The following NPAS3 variants were observed in gnomAD, a reference collection of about 807,000 sequenced individuals.
The protein encoded by NPAS3 is neuronal PAS domain protein 3.
NPAS3 carries 14 observed loss-of-function variants against 73.1 expected under a neutral mutation model. The observed-to-expected ratio is 0.19, with a 90% CI of 0.13 to 0.30. The LOEUF (loss-of-function observed/expected upper bound fraction) is 0.30. Ranked by LOEUF, NPAS3 falls within the 10% of genes least tolerant of loss-of-function variation. The pLI is 1.00. For missense variants in NPAS3, 1,096 were observed against 1,250.0 expected (o/e 0.88, Z 1.86); for synonymous variants, 620 against 541.5 (o/e 1.14, Z -2.01).
At chr14:33,517,874 A>T (rs940361571) in intron 4 of NPAS3, among the ~76,000 whole-genome samples, 7 of 152,058 alleles carry the variant, frequency 4.6e-5, no homozygotes, top group African/African-American at 1.7e-4. Context: ...CTGGCATGCA[A>T]TAGGTGCTCA....
chr14:33,545,993 C>T (rs1349931886), intron 4 of NPAS3, among the ~76,000 whole-genome samples: 2 of 152,198 alleles, frequency 1.3e-5, no homozygotes, highest in Non-Finnish European at 2.9e-5. Context: ...GTTCATCTGC[C>T]TGATGCATCT....
intron 3 of NPAS3, among the ~76,000 whole-genome samples, chr14:33,224,831 A>G (rs2139733505): frequency 6.6e-6 from 1 of 152,278 alleles, no homozygotes; most frequent in South Asian, 2.1e-4. Flanking sequence ...TGAAAAGAAT[A>G]ATTCTATGAA....
Position 33,712,322 on chromosome 14 carries a change from A to T in NPAS3, c.734-22892A>T, listed in dbSNP as rs577033284. Among the ~76,000 whole-genome samples, 86 of 152,308 alleles carry T rather than the reference A, an allele frequency of 5.6e-4. 1 individual carries two copies. The South Asian group carries it at 9.3e-3, about 17-fold the overall frequency. Reference sequence around the variant, plus strand: ...AAGCCAACAGATTTAGATGTAACTGATCTGTATTCTATAATAACACACACG... The same window carrying T: ...AAGCCAACAGATTTAGATGTAACTGTTCTGTATTCTATAATAACACACACG... On this transcript the variant is annotated intron_variant, in intron 6 of 11. Transcript: ENST00000356141.
intron 4 of NPAS3, among the ~76,000 whole-genome samples, chr14:33,545,629 G>C (rs541821680): frequency 6.6e-6 from 1 of 152,252 alleles, no homozygotes; most frequent in East Asian, 1.9e-4. Context: ...AGCTGAACAT[G>C]GAACTTGTTC....
At chr14:33,399,183 T>C (rs879260458) in intron 4 of NPAS3, among the ~76,000 whole-genome samples, 11 of 152,108 alleles carry the variant, frequency 7.2e-5, no homozygotes, top group Non-Finnish European at 1.5e-4. Flanking sequence ...AGCATTGCTG[T>C]AAAAGGTATC....
intron 4 of NPAS3, among the ~76,000 whole-genome samples, chr14:33,435,768 C>T (rs2048962528): frequency 6.6e-6 from 1 of 152,110 alleles, no homozygotes; most frequent in African/African-American, 2.4e-5. Context: ...TATGTCCTGT[C>T]CCTTTCGATG....
At chr14:33,242,227 T>C (rs888222023) in intron 3 of NPAS3, among the ~76,000 whole-genome samples, 12 of 152,132 alleles carry the variant, frequency 7.9e-5, no homozygotes, top group African/African-American at 2.9e-4. Flanking sequence ...AAACAAATAA[T>C]GCAAGATGTA....
intron 2 of NPAS3, among the ~76,000 whole-genome samples, chr14:33,137,133 A>G (rs1180655159): frequency 6.6e-6 from 1 of 152,252 alleles, no homozygotes; most frequent in African/African-American, 2.4e-5. Flanking sequence ...AGAAAATTCA[A>G]CTGTATAGAT....
intron 1 of NPAS3, among the ~76,000 whole-genome samples, chr14:32,976,055 G>A (rs888549147): frequency 2.6e-5 from 4 of 152,126 alleles, no homozygotes; most frequent in Admixed American, 2.0e-4. Flanking sequence ...AAACATGAGT[G>A]TGTGTGAAAA....
chr14:33,115,155 T>C (rs2043019488), intron 2 of NPAS3, among the ~76,000 whole-genome samples: 1 of 152,168 alleles, frequency 6.6e-6, no homozygotes, highest in Non-Finnish European at 1.5e-5. Context: ...AAAAGGTTAA[T>C]ATCGGAAAGG....
intron 1 of NPAS3, among the ~76,000 whole-genome samples, chr14:33,030,496 T>G (rs2039951778): frequency 6.6e-6 from 1 of 152,238 alleles, no homozygotes; most frequent in Admixed American, 6.5e-5. Flanking sequence ...CTGTTGCGAT[T>G]AGATGATGAC....
intron 4 of NPAS3, among the ~76,000 whole-genome samples, chr14:33,425,362 A>G (rs895963975): frequency 1.1e-4 from 17 of 151,962 alleles, no homozygotes; most frequent in Non-Finnish European, 2.2e-4. Context: ...GATGGCCAGG[A>G]GTTGATGAGT....
chr14:32,939,833 G>C (rs1307398511), intron 1 of NPAS3, among the ~76,000 whole-genome samples: 2 of 151,150 alleles, frequency 1.3e-5, no homozygotes, highest in African/African-American at 4.9e-5. Context: ...GGGAGGAGGC[G>C]AGGAGCAGGA....
At chr14:33,592,873 T>G (rs2057116421) in intron 5 of NPAS3, among the ~76,000 whole-genome samples, 1 of 152,210 alleles carries the variant, frequency 6.6e-6, no homozygotes, top group South Asian at 2.1e-4. Flanking sequence ...AAATCTCATT[T>G]TGTCACTTCT....
chr14:33,312,646 A>G (rs1477117294), intron 3 of NPAS3, among the ~76,000 whole-genome samples: 4 of 152,082 alleles, frequency 2.6e-5, no homozygotes, highest in African/African-American at 9.7e-5. Context: ...TACTTATGGA[A>G]TAAGTTGACA....
chr14:32,987,277 CCT>C (rs1236359572), intron 1 of NPAS3, among the ~76,000 whole-genome samples: 1 of 146,100 alleles, frequency 6.8e-6, no homozygotes, highest in African/African-American at 2.6e-5. Context: ...CCCTTCTCTC[CCT>C]CTCTCTCCCT....
intron 6 of NPAS3, among the ~76,000 whole-genome samples, chr14:33,676,676 C>A (rs558819499): frequency 1.3e-5 from 2 of 152,256 alleles, no homozygotes; most frequent in Non-Finnish European, 2.9e-5. Flanking sequence ...ATTTGGAATA[C>A]CCTCTTCATT....
chr14:33,326,510 G>C (rs559174112), intron 3 of NPAS3, among the ~76,000 whole-genome samples: 1 of 152,060 alleles, frequency 6.6e-6, no homozygotes, highest in South Asian at 2.1e-4. Flanking sequence ...GCTTGTTTTC[G>C]TTTACTTTTT....
intron 4 of NPAS3, among the ~76,000 whole-genome samples, chr14:33,527,243 AAGTGAG>A (rs2053842236): frequency 6.6e-6 from 1 of 152,154 alleles, no homozygotes; most frequent in African/African-American, 2.4e-5. Context: ...GGGTGCTCCG[AAGTGAG>A]CAGGGCATGG....
Sources: allele counts gnomAD v4.1 joint callset (sites outside exome capture counted in the v4.1 genomes callset), GRCh38; gene constraint gnomAD v4.1.1; transcripts MANE v1.5; gene names NCBI Gene and HGNC (gene_info 2026-07-23, HGNC 2026-07-21).